Variants in DNAI3 observed in about 807,000 individuals in gnomAD.
DNAI3 encodes the protein dynein axonemal intermediate chain 3, also known as WD repeat domain 63.
A neutral mutation model predicts 115.5 loss-of-function variants in DNAI3; 83 were observed. The observed-to-expected ratio is 0.72, with a 90% CI of 0.60 to 0.86. The LOEUF (loss-of-function observed/expected upper bound fraction) is 0.86. DNAI3 is among the 40% of genes least tolerant of loss of function. The probability of loss-of-function intolerance (pLI) is 0.00; values close to 1 mark genes in which losing one functional copy is unlikely to be tolerated. For synonymous variants in DNAI3, 320 were observed against 347.0 expected (o/e 0.92, Z 0.86); for missense variants, 1,004 against 1,075.8 (o/e 0.93, Z 0.93).
chr1:85,080,249 C>T (rs1654596229), intron 3 of DNAI3, among the ~76,000 whole-genome samples: 2 of 151,812 alleles, frequency 1.3e-5, no homozygotes. Flanking sequence ...GATGGGGTTT[C>T]ACTGTATTAG....
At chr1:85,098,791 A>T in intron 13 of DNAI3, 133 bp downstream of exon 13, 1 of 1,336,216 alleles carries the variant, frequency 7.5e-7, no homozygotes, top group Non-Finnish European at 1.0e-6. Context: ...GCATCAAAAA[A>T]TGGGGTTACT....
chr1:85,093,372 TGAA>T, intron 8 of DNAI3, 83 bp from the exon 9 acceptor site: 1 of 1,204,910 alleles, frequency 8.3e-7, no homozygotes, highest in Non-Finnish European at 1.2e-6. Flanking sequence ...TCAGTATAAA[TGAA>T]GGAGGAGGAG....
chr1:85,087,722 T>C (rs7536296), intron 7 of DNAI3, among the ~76,000 whole-genome samples: 90,672 of 151,890 alleles, frequency 0.6, 27,076 homozygotes, highest in Non-Finnish European at 0.6. Context: ...AAGAAAAGGA[T>C]GTAGGTAAGG....
chr1:85,109,419 C>A (rs1655589078), intron 15 of DNAI3, among the ~76,000 whole-genome samples: 2 of 152,118 alleles, frequency 1.3e-5, no homozygotes, highest in Admixed American at 1.3e-4. Flanking sequence ...ATTTGGGGGA[C>A]TGGGGGTAGG....
intron 1 of DNAI3, among the ~76,000 whole-genome samples, chr1:85,062,914 A>G (rs1462511019): frequency 1.3e-5 from 2 of 152,200 alleles, no homozygotes; most frequent in Non-Finnish European, 2.9e-5. Context: ...GGGCTGAAAT[A>G]GATTACTTCA....
chr1:85,123,069 C>T (rs1656034855), intron 18 of DNAI3, among the ~76,000 whole-genome samples: 1 of 152,202 alleles, frequency 6.6e-6, no homozygotes, highest in South Asian at 2.1e-4. Context: ...TTGTCAGAAA[C>T]CTGGCTGTCA....
intron 3 of DNAI3, among the ~76,000 whole-genome samples, chr1:85,076,717 A>G (rs1028667904): frequency 6.6e-6 from 1 of 152,168 alleles, no homozygotes; most frequent in Admixed American, 6.5e-5. Flanking sequence ...CCATGATTCA[A>G]TTACCTCCCA....
chr1:85,115,945 C>T (rs1211651068), intron 16 of DNAI3, among the ~76,000 whole-genome samples: 3 of 152,182 alleles, frequency 2.0e-5, no homozygotes, highest in African/African-American at 7.2e-5. Flanking sequence ...CTGCAGACCC[C>T]TGCTCTACCA....
chr1:85,110,344 C>A (rs1271674171), intron 16 of DNAI3, among the ~76,000 whole-genome samples: 2 of 151,166 alleles, frequency 1.3e-5, no homozygotes, highest in Non-Finnish European at 3.0e-5. Context: ...CCAGCTATCC[C>A]GGAGGCTGAG....
At chr1:85,094,577 C>T in intron 10 of DNAI3, 22 bp downstream of exon 10, 1 of 1,610,598 alleles carries the variant, frequency 6.2e-7, no homozygotes, top group Non-Finnish European at 8.5e-7. Context: ...GAGTTGCCTA[C>T]ATAGCCTAAA....
At chr1:85,120,699 T>C (rs75913579) in intron 17 of DNAI3, among the ~76,000 whole-genome samples, 27 of 152,312 alleles carry the variant, frequency 1.8e-4, no homozygotes, top group Admixed American at 3.3e-4. Flanking sequence ...GTGAGGGTGA[T>C]GTGCAACATG....
At chr1:85,112,320 A>G (rs1373847447) in intron 16 of DNAI3, among the ~76,000 whole-genome samples, 1 of 152,218 alleles carries the variant, frequency 6.6e-6, no homozygotes, top group Non-Finnish European at 1.5e-5. Context: ...GATACACAAC[A>G]GTGGTTTATC....
intron 2 of DNAI3, among the ~76,000 whole-genome samples, chr1:85,072,811 C>T (rs183255328): frequency 6.7e-5 from 10 of 150,070 alleles, no homozygotes; most frequent in Admixed American, 4.0e-4. Flanking sequence ...AAAAATTAGC[C>T]GGGTGTGGTG....
intron 18 of DNAI3, 40 bp downstream of exon 18, chr1:85,121,854 TTTTAA>T: frequency 6.2e-7 from 1 of 1,604,648 alleles, no homozygotes; most frequent in Non-Finnish European, 8.5e-7. Context: ...AAGATGTTCC[TTTTAA>T]TTTAAACTAC....
At chr1:85,067,968 C>T (rs1236386446) in intron 1 of DNAI3, among the ~76,000 whole-genome samples, 2 of 152,116 alleles carry the variant, frequency 1.3e-5, no homozygotes, top group Non-Finnish European at 2.9e-5. Flanking sequence ...TTTTAAGTCA[C>T]AAAATTTGTG....
At chr1:85,129,934 A>T in intron 21 of DNAI3, 56 bp from the exon 22 acceptor site, 1 of 1,557,608 alleles carries the variant, frequency 6.4e-7, no homozygotes. Flanking sequence ...AGAGCCTTGT[A>T]AAGGTCATGG....
intron 19 of DNAI3, among the ~76,000 whole-genome samples, chr1:85,125,825 C>T (rs1005856882): frequency 6.6e-6 from 1 of 152,202 alleles, no homozygotes; most frequent in Non-Finnish European, 1.5e-5. Flanking sequence ...AGGAGCACCC[C>T]TGGTCAGTAG....
At chr1:85,107,018 T>G (rs1655508686) in intron 14 of DNAI3, among the ~76,000 whole-genome samples, 1 of 152,196 alleles carries the variant, frequency 6.6e-6, no homozygotes, top group African/African-American at 2.4e-5. Flanking sequence ...AACCCAAAAC[T>G]ACTTTTGATG....
chr1:85,129,310 T>G (rs1298341507), intron 21 of DNAI3, among the ~76,000 whole-genome samples: 1 of 152,140 alleles, frequency 6.6e-6, no homozygotes, highest in Non-Finnish European at 1.5e-5. Flanking sequence ...TGAATAGAAA[T>G]ATATAAATGT....
Sources: gnomAD v4.1 joint callset for allele counts (sites outside exome capture counted in the v4.1 genomes callset) on GRCh38, gnomAD v4.1.1 for gene constraint, MANE v1.5 for transcripts, NCBI Gene and HGNC (gene_info 2026-07-23, HGNC 2026-07-21) for gene names.